The following WDPCP variants were observed in gnomAD, a reference collection of about 807,000 sequenced individuals.
WDPCP encodes WD repeat containing planar cell polarity effector.
Under a neutral mutation model 93.1 loss-of-function variants are expected in WDPCP, and 71 were observed. That is an observed-to-expected ratio of 0.76 (90% confidence interval 0.63 to 0.93). The LOEUF is 0.93. WDPCP is among the 40% of genes least tolerant of loss of function. WDPCP has a pLI of 0.00. For synonymous variants in WDPCP, 315 were observed against 315.0 expected (o/e 1.00, Z 0.00); for missense variants, 844 against 887.4 (o/e 0.95, Z 0.62).
intron 1 of WDPCP, among the ~76,000 whole-genome samples, chr2:63,497,924 T>G (rs1701328603): frequency 6.6e-6 from 1 of 152,134 alleles, no homozygotes; most frequent in Admixed American, 6.5e-5. Context: ...AGTGAAATAG[T>G]CAGGGGGCAT....
intron 9 of WDPCP, among the ~76,000 whole-genome samples, chr2:63,418,024 T>C (rs1211923628): frequency 2.0e-5 from 3 of 152,058 alleles, no homozygotes; most frequent in Non-Finnish European, 4.4e-5. Context: ...TAGAGTATAC[T>C]CTGTTGACTA....
chr2:63,401,420 G>A (rs987139416), intron 10 of WDPCP, among the ~76,000 whole-genome samples: 1 of 152,160 alleles, frequency 6.6e-6, no homozygotes, highest in Non-Finnish European at 1.5e-5. Flanking sequence ...GATCATTAGA[G>A]AAATGCAAAT....
chr2:63,583,130 T>C (rs1343053497), intron 1 of WDPCP, among the ~76,000 whole-genome samples: 1 of 151,920 alleles, frequency 6.6e-6, no homozygotes, highest in African/African-American at 2.4e-5. Context: ...AAAGGAGAAA[T>C]GGAAGTAAAT....
At chr2:63,248,694 G>A (rs1680479432) in intron 14 of WDPCP, among the ~76,000 whole-genome samples, 1 of 152,008 alleles carries the variant, frequency 6.6e-6, no homozygotes, top group South Asian at 2.1e-4. Context: ...AAATCTCATA[G>A]GTTTAGTTCA....
At chr2:63,702,049 G>A (rs1021898510) in intron 2 of WDPCP, among the ~76,000 whole-genome samples, 1 of 152,100 alleles carries the variant, frequency 6.6e-6, no homozygotes, top group Non-Finnish European at 1.5e-5. Flanking sequence ...TCTTGAGATG[G>A]AGTTTCGCTC....
chr2:63,401,340 C>T (rs557385413), intron 10 of WDPCP, among the ~76,000 whole-genome samples: 7 of 151,988 alleles, frequency 4.6e-5, no homozygotes, highest in Non-Finnish European at 7.4e-5. Flanking sequence ...GCAAAGGATA[C>T]GAACAGACAC....
At chr2:63,417,469 T>A (rs544009092) in intron 9 of WDPCP, among the ~76,000 whole-genome samples, 1 of 152,030 alleles carries the variant, frequency 6.6e-6, no homozygotes, top group South Asian at 2.1e-4. Context: ...ATGTGATTTT[T>A]AAAGATAACC....
upstream of WDPCP, among the ~76,000 whole-genome samples, chr2:63,828,085 A>G (rs564298289): frequency 2.0e-5 from 3 of 152,098 alleles, no homozygotes; most frequent in Middle Eastern, 3.4e-3. Flanking sequence ...TAACCCATTT[A>G]TGTAACAATT....
intron 14 of WDPCP, among the ~76,000 whole-genome samples, chr2:63,236,643 T>C (rs534775105): frequency 1.3e-5 from 2 of 151,216 alleles, no homozygotes; most frequent in South Asian, 4.2e-4. Flanking sequence ...CAGAATAGAG[T>C]GGAACAGAAT....
At chr2:63,377,448 T>G (rs551679397) in intron 12 of WDPCP, among the ~76,000 whole-genome samples, 3 of 151,414 alleles carry the variant, frequency 2.0e-5, no homozygotes, top group Non-Finnish European at 4.4e-5. Flanking sequence ...TATGTATACA[T>G]ATATGCAAAC....
intron 6 of WDPCP, among the ~76,000 whole-genome samples, chr2:63,456,785 G>T (rs1018164900): frequency 6.6e-6 from 1 of 152,190 alleles, no homozygotes; most frequent in Admixed American, 6.5e-5. Flanking sequence ...GGGAGGCTGA[G>T]GCAGGCGAAT....
chr2:63,176,909 T>G (rs1374974362), intron 14 of WDPCP, among the ~76,000 whole-genome samples: 1 of 152,204 alleles, frequency 6.6e-6, no homozygotes, highest in Non-Finnish European at 1.5e-5. Flanking sequence ...GTTTAGGTCT[T>G]TAATTCATTT....
chr2:63,500,983 C>A (rs1701515128), intron 1 of WDPCP, among the ~76,000 whole-genome samples: 1 of 152,128 alleles, frequency 6.6e-6, no homozygotes, highest in Non-Finnish European at 1.5e-5. Flanking sequence ...TTACAACTGT[C>A]ATCTCATGGC....
intron 1 of WDPCP, among the ~76,000 whole-genome samples, chr2:63,506,938 A>T (rs1701915208): frequency 6.6e-6 from 1 of 152,068 alleles, no homozygotes; most frequent in Non-Finnish European, 1.5e-5. Context: ...GACTTGAAAG[A>T]TACTTTTGAA....
At chr2:63,508,709 C>T (rs2106067639) in intron 1 of WDPCP, among the ~76,000 whole-genome samples, 1 of 152,226 alleles carries the variant, frequency 6.6e-6, no homozygotes, top group South Asian at 2.1e-4. Context: ...CAAAGACACA[C>T]ATAGGCTCAA....
chr2:63,725,887 T>C (rs1387603803), intron 2 of WDPCP, among the ~76,000 whole-genome samples: 1 of 152,040 alleles, frequency 6.6e-6, no homozygotes, highest in Non-Finnish European at 1.5e-5. Context: ...CTAATTTTAA[T>C]GGGTTTTCTT....
intron 14 of WDPCP, chr2:63,232,639 T>C (rs1279159996): frequency 6.5e-6 from 1 of 153,076 alleles, no homozygotes; most frequent in Non-Finnish European, 1.5e-5. Flanking sequence ...CATGAGATAT[T>C]AAAGACATCG....
chr2:63,621,536 A>C lies in WDPCP; in HGVS notation n.488+29123T>G, dbSNP rs369183071. ...AATACGGGACTATGTAAAATGACTA[A>C]ACTTACGTTTGATTGGTGTACCTGA... On this transcript the variant is annotated intron_variant and non_coding_transcript_variant, in intron 3 of 4. Transcript: ENST00000467687. Among the ~76,000 whole-genome samples, 16 of 152,302 alleles carry C rather than the reference A, an allele frequency of 1.1e-4. No homozygotes were observed. In the East Asian group the frequency reaches 2.5e-3, roughly 24 times the overall value.
chr2:63,753,388 C>G (rs557314916), intron 2 of WDPCP, among the ~76,000 whole-genome samples: 171 of 152,238 alleles, frequency 1.1e-3, no homozygotes, highest in Non-Finnish European at 1.9e-3. Flanking sequence ...AAGATTGCGC[C>G]ATTGCACTCC....
Sources: gnomAD v4.1 joint callset for allele counts (sites outside exome capture counted in the v4.1 genomes callset) on GRCh38, gnomAD v4.1.1 for gene constraint, MANE v1.5 for transcripts, NCBI Gene and HGNC (gene_info 2026-07-23, HGNC 2026-07-21) for gene names.